The following NOVA1 variants were observed in gnomAD, a reference collection of about 807,000 sequenced individuals.
NOVA1 encodes the protein RNA-binding protein Nova-1.
Under a neutral mutation model 38.0 loss-of-function variants are expected in NOVA1, and 7 were observed. That is an observed-to-expected ratio of 0.18 (90% CI 0.10 to 0.35). NOVA1 has a LOEUF of 0.35. Ranked by LOEUF, NOVA1 falls within the 10% of genes least tolerant of loss-of-function variation. The probability of loss-of-function intolerance (pLI) is 1.00; values close to 1 mark genes in which losing one functional copy is unlikely to be tolerated. For synonymous variants in NOVA1, 270 were observed against 232.5 expected (o/e 1.16, Z -1.47); for missense variants, 460 against 616.0 (o/e 0.75, Z 2.68).
At chr14:26,543,080 G>T (rs1039407995) in intron 2 of NOVA1, among the ~76,000 whole-genome samples, 1 of 152,006 alleles carries the variant, frequency 6.6e-6, no homozygotes, top group South Asian at 2.1e-4. Flanking sequence ...AGTGCTTGAG[G>T]TGATGGATAT....
chr14:26,588,246 C>G (rs1893649111), intron 2 of NOVA1, among the ~76,000 whole-genome samples: 1 of 149,416 alleles, frequency 6.7e-6, no homozygotes. Context: ...TACAGTTTAT[C>G]AGAAATTAGA....
rs1450244900 is a variant in NOVA1 at position 26,480,021 on chromosome 14, T to C, written c.403A>G (p.Ile135Val). 7 of 1,613,990 alleles carry C rather than the reference T, an allele frequency of 4.3e-6. No homozygotes were observed. The highest frequency in any genetic ancestry group is 5.9e-6 in the Non-Finnish European group (7 of 1,180,014). Reference sequence around the variant, plus strand: ...TTAACGGTGGTCTGGGGTTGTAGAATGCTGACTGGTTCTGTCTTGGCCACA... The same window carrying C: ...TTAACGGTGGTCTGGGGTTGTAGAACGCTGACTGGTTCTGTCTTGGCCACA... ...QNVAKTEPVSILQPQTTVNPD... is the reference protein window; with the variant it reads ...QNVAKTEPVSVLQPQTTVNPD... The change falls in exon 3 of 5, where the codon ATT becomes GTT. Residue 135 changes from isoleucine (I) to valine (V), a missense_variant. Physicochemically the swap from Ile to Val is conservative, Grantham distance 29. Transcript: ENST00000539517.
intron 2 of NOVA1, among the ~76,000 whole-genome samples, chr14:26,534,598 A>G (rs1889944037): frequency 6.6e-6 from 1 of 152,166 alleles, no homozygotes; most frequent in African/African-American, 2.4e-5. Context: ...ATCAATGGAA[A>G]TAAAATAGTA....
chr14:26,485,890 G>T (rs1594380740), intron 2 of NOVA1, among the ~76,000 whole-genome samples: 1 of 152,086 alleles, frequency 6.6e-6, no homozygotes, highest in African/African-American at 2.4e-5. Context: ...ATACAAAAAT[G>T]TAGTAGAAAA....
At chr14:26,502,041 G>A in intron 2 of NOVA1, among the ~76,000 whole-genome samples, 1 of 151,742 alleles carries the variant, frequency 6.6e-6, no homozygotes, top group East Asian at 1.9e-4. Context: ...GCAACTAAGA[G>A]AAACAGAATC....
chr14:26,503,941 T>C (rs1887436391), intron 2 of NOVA1, among the ~76,000 whole-genome samples: 2 of 152,144 alleles, frequency 1.3e-5, no homozygotes, highest in Admixed American at 6.5e-5. Flanking sequence ...ATCTCTTAAA[T>C]ATTTGCTCAA....
chr14:26,462,895 C>T (rs1189893551), intron 4 of NOVA1, among the ~76,000 whole-genome samples: 1 of 152,078 alleles, frequency 6.6e-6, no homozygotes, highest in Non-Finnish European at 1.5e-5. Context: ...TCTTTTGTAT[C>T]CTCTGTTATA....
At chr14:26,467,475 AAGTTTTACTACAAAGG>A (rs1884238644) in intron 4 of NOVA1, among the ~76,000 whole-genome samples, 1 of 152,180 alleles carries the variant, frequency 6.6e-6, no homozygotes, top group Non-Finnish European at 1.5e-5. Context: ...AATACTTTGT[AAGTTTTACTACAAAGG>A]AGTAGAAGAA....
intron 2 of NOVA1, among the ~76,000 whole-genome samples, chr14:26,490,115 G>T (rs1886223686): frequency 1.3e-5 from 2 of 152,226 alleles, no homozygotes; most frequent in Non-Finnish European, 2.9e-5. Flanking sequence ...CACAATATCT[G>T]TCTGGTGTCT....
At chr14:26,477,533 C>T (rs1042736125) in intron 3 of NOVA1, among the ~76,000 whole-genome samples, 1 of 152,004 alleles carries the variant, frequency 6.6e-6, no homozygotes, top group African/African-American at 2.4e-5. Context: ...CCCACTCAGT[C>T]AATAAGGGCA....
chr14:26,587,736 A>G (rs956093702), intron 2 of NOVA1, among the ~76,000 whole-genome samples: 1 of 151,274 alleles, frequency 6.6e-6, no homozygotes, highest in African/African-American at 2.4e-5. Context: ...TTAAAAAGCT[A>G]CAGTTCTTCT....
At chr14:26,542,725 T>C (rs1213462104) in intron 2 of NOVA1, among the ~76,000 whole-genome samples, 1 of 108,758 alleles carries the variant, frequency 9.2e-6, no homozygotes, top group African/African-American at 3.2e-5. Flanking sequence ...CAGAAAATTT[T>C]GTAATGGCAA....
intron 2 of NOVA1, among the ~76,000 whole-genome samples, chr14:26,498,458 T>C (rs1258216551): frequency 6.6e-6 from 1 of 152,170 alleles, no homozygotes; most frequent in African/African-American, 2.4e-5. Flanking sequence ...AGTAAATCTC[T>C]AATAAGCCCG....
rs562247151 is a variant in NOVA1, at chr14:26,455,440, T to C, written c.520-6477A>G. 2.1e-4 allele frequency among the ~76,000 whole-genome samples: 32 copies of C among 152,236 alleles called. No homozygotes were observed. The South Asian group carries it at 5.2e-3, about 25-fold the overall frequency. ...CTCAAATGACTTTAGTTTCATCATC[T>C]ATAAAATCAGGCAACTTAGTGAGAC... On this transcript the variant is annotated intron_variant, in intron 4 of 4. Transcript: ENST00000539517.
intron 2 of NOVA1, among the ~76,000 whole-genome samples, chr14:26,550,010 T>G (rs1804700256): frequency 6.6e-6 from 1 of 152,188 alleles, no homozygotes; most frequent in Non-Finnish European, 1.5e-5. Context: ...CATTTAAAAA[T>G]TGAATGCTAA....
rs1464968656 is a variant in NOVA1, at chr14:26,446,932, GAGCAAAC to G, written c.*1020_*1026del. On this transcript the variant is annotated 3_prime_UTR_variant, in exon 5 of 5. Coordinates refer to ENST00000539517, the MANE Select transcript of NOVA1 (RefSeq NM_002515.3). Reference sequence around the variant, plus strand: ...CCATGCTGCAAAGACTCCATCATGGGAGCAAACAGCTAAATCACAGATAGCTTCACAG... The same window carrying G: ...CCATGCTGCAAAGACTCCATCATGGGAGCTAAATCACAGATAGCTTCACAG... The G allele has an allele frequency of 1.3e-5, 2 of 152,620 alleles. No homozygotes were observed. Among genetic ancestry groups the G allele is most frequent in the Non-Finnish European group, 2.9e-5 (2 of 68,030 alleles). 9.5% of individuals were successfully genotyped at this position (152,620 alleles called of 1,614,324 possible).
chr14:26,484,231 G>A (rs1049863049), intron 2 of NOVA1, among the ~76,000 whole-genome samples: 7 of 151,422 alleles, frequency 4.6e-5, no homozygotes, highest in African/African-American at 7.3e-5. Context: ...CCAGAAGATC[G>A]AGGCCATCCT....
chr14:26,493,438 T>G (rs551303072), intron 2 of NOVA1, among the ~76,000 whole-genome samples: 2 of 152,320 alleles, frequency 1.3e-5, no homozygotes, highest in Non-Finnish European at 2.9e-5. Flanking sequence ...CCTTGTCTCT[T>G]TTATTCTGAA....
chr14:26,525,240 T>C (rs1448644208), intron 2 of NOVA1, among the ~76,000 whole-genome samples: 5 of 152,164 alleles, frequency 3.3e-5, no homozygotes, highest in Non-Finnish European at 7.4e-5. Flanking sequence ...ACTTATTTTG[T>C]GTTGAATGTC....
Sources: allele counts gnomAD v4.1 joint callset (sites outside exome capture counted in the v4.1 genomes callset), GRCh38; gene constraint gnomAD v4.1.1; transcripts MANE v1.5; gene names NCBI Gene and HGNC (gene_info 2026-07-23, HGNC 2026-07-21).